SELP: variants seen among roughly 807,000 people sequenced by gnomAD.
The protein encoded by SELP is P-selectin.
In SELP, 92 loss-of-function variants were observed where a neutral mutation model predicts 104.1. That is an observed-to-expected ratio of 0.88 (90% CI 0.75 to 1.05). The LOEUF (loss-of-function observed/expected upper bound fraction) is 1.05. Ranked by LOEUF, SELP falls within the 50% of genes least tolerant of loss-of-function variation. The pLI is 0.00. For synonymous variants in SELP, 397 were observed against 364.5 expected, an observed-to-expected ratio of 1.09 and a Z score of -1.01; for missense variants, 1,022 against 1,017.3, an observed-to-expected ratio of 1.00 and a Z score of -0.06.
At chr1:169,595,507 G>T (rs3917820) in intron 12 of SELP, among the ~76,000 whole-genome samples, 1 of 152,066 alleles carries the variant, frequency 6.6e-6, no homozygotes, top group Non-Finnish European at 1.5e-5. Context: ...TATGTGTAGG[G>T]CGATAGCTCT....
At chr1:169,603,396 T>G (rs1451326235) in intron 9 of SELP, among the ~76,000 whole-genome samples, 185 bp from the exon 10 acceptor site, 1 of 151,850 alleles carries the variant, frequency 6.6e-6, no homozygotes, top group African/African-American at 2.4e-5. Flanking sequence ...TGTTTGAATT[T>G]CATGATGCTT....
In SELP at chr1:169,609,672, G is replaced by T; in HGVS notation, c.1165C>A (p.Leu389Met). 6.2e-7 allele frequency: 1 copy of T among 1,612,514 alleles called. No homozygotes were observed. The highest frequency in any genetic ancestry group is 8.5e-7 in the Non-Finnish European group (1 of 1,179,292). ...PTCEAISCEP[L>M]ESPVHGSMDC... ...ATGCTTCCGTGGACAGGACTCTCCA[G>T]CGGCTCACACGAAATAGCTAAGTGG... The change falls in exon 8 of 17, where the codon CTG (leucine) becomes ATG (methionine). Residue 389 changes from leucine to methionine, a missense_variant. Leu to Met is a conservative substitution (Grantham distance 15, BLOSUM62 2). Coordinates refer to ENST00000263686, the MANE Select transcript of SELP (RefSeq NM_003005.4).
chr1:169,625,133 T>C (rs1230669244), intron 1 of SELP, among the ~76,000 whole-genome samples: 1 of 152,158 alleles, frequency 6.6e-6, no homozygotes, highest in Admixed American at 6.5e-5. Context: ...CCTATCAAAG[T>C]GTCCCTGCAA....
chr1:169,590,066 TAAAGA>T lies in SELP; in HGVS notation c.*1+76_*1+80del. 3.1e-6 allele frequency: 3 copies of T among 963,394 alleles called. No homozygotes were observed. In the East Asian group the frequency reaches 7.6e-5, roughly 24 times the overall value. The allele number at this position is 963,394 out of a possible 1,614,324, so 59.7% of individuals were successfully genotyped here. A position where few individuals can be genotyped will look rare whatever the true frequency, so the allele number is the denominator to read the frequency against. On this transcript the variant is annotated intron_variant, in intron 16 of 16. Transcript: ENST00000263686. The stretch of plus-strand genomic sequence containing the variant: ...ACTTAAAATTTAATATATGATTATG[TAAAGA>T]AAAGTTAAGCTTTATAGTCTTCCAT...
chr1:169,612,874 T>C, intron 5 of SELP, 55 bp downstream of exon 5: 2 of 1,436,790 alleles, frequency 1.4e-6, no homozygotes, highest in Non-Finnish European at 1.9e-6. Context: ...CATTGTGTCC[T>C]CTTCTCCCCC....
intron 14 of SELP, 105 bp downstream of exon 14, chr1:169,593,500 G>A: frequency 1.2e-6 from 1 of 851,138 alleles, no homozygotes; most frequent in East Asian, 2.6e-5. Flanking sequence ...TTTCCAACAT[G>A]AACTACTGAA....
chr1:169,609,920 A>G (rs1350326553), intron 7 of SELP, among the ~76,000 whole-genome samples: 2 of 152,022 alleles, frequency 1.3e-5, no homozygotes, highest in African/African-American at 4.8e-5. Context: ...TTTCCTTAGG[A>G]AGCCCTCCCT....
chr1:169,620,795 TTGTGTG>T (rs779947394), intron 1 of SELP, among the ~76,000 whole-genome samples: 71 of 110,928 alleles, frequency 6.4e-4, no homozygotes, highest in Admixed American at 1.7e-3. Flanking sequence ...CGGTGTGGGG[TTGTGTG>T]TGTGTGTGTG....
At chr1:169,597,251 T>C (rs549038661) in intron 10 of SELP, 75 bp from the exon 11 acceptor site, 1 of 1,311,320 alleles carries the variant, frequency 7.6e-7, no homozygotes, top group African/African-American at 1.5e-5. Context: ...GTTCATTCAC[T>C]TATATATTCA....
intron 7 of SELP, 105 bp from the exon 8 acceptor site, chr1:169,609,794 G>T: frequency 1.9e-6 from 2 of 1,075,384 alleles, no homozygotes; most frequent in Non-Finnish European, 2.6e-6. Flanking sequence ...TTTTCAGTGT[G>T]TTCAGAACCC....
chr1:169,611,639 T>C lies in SELP; in HGVS notation c.1000A>G (p.Thr334Ala). 2 of 1,614,074 alleles carry C rather than the reference T, an allele frequency of 1.2e-6. No homozygotes were observed. Among genetic ancestry groups the C allele is most frequent in the Non-Finnish European group, 1.7e-6 (2 of 1,179,978 alleles). Residue 334 changes from threonine to alanine, a missense_variant, in exon 7 of 17, where the codon ACC becomes GCC. Transcript: ENST00000263686. ...GTGAGCGGATGAACACAGTCCATGG[T>C]TCCTTCACTGGGGGCTTCCAGGTGC... ...CQHLEAPSEG[T>A]MDCVHPLTAF...
Position 169,609,177 on chromosome 1 carries a change from G to A in SELP, c.1333+327C>T, listed in dbSNP as rs3917743. ...TAAGGACAGGAAGTGACAGGACTGA[G>A]CTAAACACCTTGTCCATTACCCTTC... is the stretch of plus-strand genomic sequence containing the variant. On this transcript the variant is annotated intron_variant, in intron 8 of 16. Coordinates refer to ENST00000263686, the MANE Select transcript of SELP (RefSeq NM_003005.4). Among the ~76,000 whole-genome samples the A allele has an allele frequency of 3.5e-3, 532 of 152,246 alleles. 10 individuals are homozygous for A. The highest frequency in any genetic ancestry group is 0.012 in the African/African-American group (503 of 41,500).
chr1:169,619,148 G>C lies in SELP; in HGVS notation c.75C>G (p.Cys25Trp). Residue 25 changes from cysteine (C) to tryptophan (W), a missense_variant, in exon 2 of 17, where the codon TGC becomes TGG. Transcript: ENST00000263686. ...GTTTACCAGAGATCAGGGCACTGAA[G>C]CAAAGGAGTTGGGAAATTCCAAAGA... ...RVVFGISQLL[C>W]FSALISELTN... 1 of 1,613,784 alleles carries C rather than the reference G, an allele frequency of 6.2e-7. No individual in the cohort carries two copies. Among genetic ancestry groups the C allele is most frequent in the Non-Finnish European group, 8.5e-7 (1 of 1,179,672 alleles).
At chr1:169,609,237 C>T (rs986673191) in intron 8 of SELP, among the ~76,000 whole-genome samples, 1 of 152,052 alleles carries the variant, frequency 6.6e-6, no homozygotes, top group African/African-American at 2.4e-5. Context: ...ATGATTTATT[C>T]CCCCAAGCCC....
At position 169,613,676 on chromosome 1, in the gene SELP, A is replaced by G. The variant is rs1662664418; in HGVS notation, c.499T>C (p.Ser167Pro). 2 of 1,613,878 alleles carry G rather than the reference A, an allele frequency of 1.2e-6. No individual in the cohort carries two copies. The highest frequency in any genetic ancestry group is 8.5e-7 in the Non-Finnish European group (1 of 1,179,786). The change falls in exon 4 of 17, where the codon TCC (serine) becomes CCC (proline). Residue 167 changes from serine to proline, a missense_variant. Coordinates refer to ENST00000263686, the MANE Select transcript of SELP (RefSeq NM_003005.4). ...LCYTASCQDM[S>P]CSKQGECLET... ...AGGCACTCTCCTTGTTTGCTGCAGG[A>G]CATGTCCTGGCAGGAGGCTGCATAG...
chr1:169,591,803 T>A (rs553143234), intron 14 of SELP, among the ~76,000 whole-genome samples: 79 of 152,310 alleles, frequency 5.2e-4, no homozygotes, highest in Non-Finnish European at 8.8e-4. Flanking sequence ...GAACAGTGGA[T>A]GTTTTTCCTC....
chr1:169,623,718 C>T (rs1340182454), intron 1 of SELP, among the ~76,000 whole-genome samples: 2 of 152,172 alleles, frequency 1.3e-5, no homozygotes, highest in Non-Finnish European at 2.9e-5. Context: ...CAAGATTCAC[C>T]TCTTACAGGT....
intron 14 of SELP, among the ~76,000 whole-genome samples, chr1:169,591,817 G>A (rs1661369719): frequency 6.6e-6 from 1 of 152,010 alleles, no homozygotes; most frequent in Non-Finnish European, 1.5e-5. Context: ...TTTCCTCCCT[G>A]GTAGCATATT....
intron 3 of SELP, 86 bp from the exon 4 acceptor site, chr1:169,613,779 C>T (rs910898836): frequency 9.1e-7 from 1 of 1,093,456 alleles, no homozygotes. Flanking sequence ...AGACTCATCC[C>T]CTCTCAGATA....
Sources: allele counts gnomAD v4.1 joint callset (sites outside exome capture counted in the v4.1 genomes callset), GRCh38; gene constraint gnomAD v4.1.1; transcripts MANE v1.5; gene names NCBI Gene and HGNC (gene_info 2026-07-23, HGNC 2026-07-21).